Variants in ABR observed in about 807,000 individuals in gnomAD.
ABR encodes the protein ABR activator of RhoGEF and GTPase.
Under a neutral mutation model 107.2 loss-of-function variants are expected in ABR, and 35 were observed. The observed-to-expected ratio is 0.33, with a 90% CI of 0.25 to 0.43. The LOEUF (loss-of-function observed/expected upper bound fraction) is 0.43. Among genes scored for constraint, ABR ranks in the 20% least tolerant of loss-of-function variants. The pLI is 1.00. For synonymous variants in ABR, 498 were observed against 462.0 expected (o/e 1.08, Z -1.00); for missense variants, 815 against 1,115.2 (o/e 0.73, Z 3.83).
At chr17:1,035,933 C>T (rs533964272) in intron 16 of ABR, among the ~76,000 whole-genome samples, 12 of 151,578 alleles carry the variant, frequency 7.9e-5, no homozygotes, top group African/African-American at 2.7e-4. Flanking sequence ...GCGGCATCAA[C>T]GAGGAAAAAA....
intron 16 of ABR, 129 bp from the exon 17 acceptor site, chr17:1,013,293 T>C (rs1278207360): frequency 2.2e-6 from 2 of 929,316 alleles, no homozygotes; most frequent in Non-Finnish European, 1.7e-6. Context: ...TGGGATAAGC[T>C]GATGTTTACC....
At chr17:1,189,539 C>A (rs1390941736), upstream of ABR, among the ~76,000 whole-genome samples, 1 of 152,066 alleles carries the variant, frequency 6.6e-6, no homozygotes, top group Non-Finnish European at 1.5e-5. Flanking sequence ...TGTGGCCGGG[C>A]CTCTGCACCC....
chr17:1,079,284 CCAGA>C (rs757058620), intron 6 of ABR, 42 bp downstream of exon 6: 30 of 1,597,772 alleles, frequency 1.9e-5, no homozygotes, highest in East Asian at 4.5e-5. Context: ...GCCTGCACAG[CCAGA>C]CAAAGGTAGG....
intron 11 of ABR, 125 bp from the exon 12 acceptor site, chr17:1,058,170 G>T: frequency 4.2e-6 from 2 of 479,214 alleles, no homozygotes; most frequent in Non-Finnish European, 6.8e-6. Flanking sequence ...ACAGAGTCTC[G>T]CTCTTGTTGC....
At chr17:1,062,042 T>C (rs1167772818) in intron 10 of ABR, among the ~76,000 whole-genome samples, 2 of 152,204 alleles carry the variant, frequency 1.3e-5, no homozygotes, top group African/African-American at 2.4e-5. Context: ...AAGACTGTGG[T>C]GGGCGTGGGT....
intron 1 of ABR, among the ~76,000 whole-genome samples, chr17:1,211,399 C>T (rs1011861605): frequency 1.3e-5 from 2 of 152,306 alleles, no homozygotes; most frequent in South Asian, 4.1e-4. Context: ...CACCAAAAAT[C>T]GATCTTCTTC....
At chr17:1,073,048 C>G (rs568190682) in intron 7 of ABR, among the ~76,000 whole-genome samples, 1 of 151,760 alleles carries the variant, frequency 6.6e-6, no homozygotes, top group Non-Finnish European at 1.5e-5. Context: ...GGCGTGGTGG[C>G]GGGCGCCTGT....
At chr17:1,109,834 A>C (rs1204096243) in intron 2 of ABR, among the ~76,000 whole-genome samples, 3 of 151,404 alleles carry the variant, frequency 2.0e-5, no homozygotes, top group Non-Finnish European at 4.4e-5. Flanking sequence ...ACTCACAGGG[A>C]CCAGGATCCC....
chr17:1,206,794 CA>C (rs2042795578), intron 1 of ABR, among the ~76,000 whole-genome samples: 1 of 152,014 alleles, frequency 6.6e-6, no homozygotes. Flanking sequence ...CAAAAACATA[CA>C]AAAATTAGGC....
intron 1 of ABR, among the ~76,000 whole-genome samples, chr17:1,214,023 G>C (rs779632841): frequency 2.6e-5 from 4 of 152,010 alleles, no homozygotes; most frequent in Non-Finnish European, 4.4e-5. Flanking sequence ...GAGTAGCTGG[G>C]ATTACAGGCG....
upstream of ABR, among the ~76,000 whole-genome samples, chr17:1,188,080 T>TGGC (rs2150683135): frequency 6.6e-6 from 1 of 152,016 alleles, no homozygotes; most frequent in East Asian, 1.9e-4. Flanking sequence ...CCGGACATGG[T>TGGC]GGCGGGCATC....
At chr17:1,108,904 CCCA>C in intron 2 of ABR, 3 of 1,564,116 alleles carry the variant, frequency 1.9e-6, no homozygotes, top group Non-Finnish European at 2.6e-6. Flanking sequence ...CCCGGCCCCC[CCCA>C]GCGCCCAGGG....
rs577861857 is a variant in ABR at position 1,091,056 on chromosome 17, G to A, written c.531+609C>T. Among the ~76,000 whole-genome samples the A allele has an allele frequency of 5.3e-5, 8 of 152,264 alleles. No homozygotes were observed. In the East Asian group the frequency reaches 5.8e-4, roughly 11 times the overall value. ...TAACCCACCCACTCCTGCCGCTCCCGACCCTGCAGTGGTGAGCAGGGCTGG... is the reference window on the plus strand; with the variant it reads ...TAACCCACCCACTCCTGCCGCTCCCAACCCTGCAGTGGTGAGCAGGGCTGG... On this transcript the variant is annotated intron_variant, in intron 4 of 22. Coordinates refer to ENST00000302538, the MANE Select transcript of ABR (RefSeq NM_021962.5).
Position 1,037,459 on chromosome 17 carries a change from G to A in ABR, c.1791+12591C>T, listed in dbSNP as rs949521678. On this transcript the variant is annotated intron_variant, in intron 16 of 22. Coordinates refer to ENST00000302538, the MANE Select transcript of ABR (RefSeq NM_021962.5). The surrounding 1 kb of genome is among the most constrained non-coding windows in gnomAD (Gnocchi z 4.6). ...CAAGAGCTTGTCTGCTGCAGGAGAA[G>A]TGTCCCGACAGCCCGTCCCTGGCAA... 1.3e-5 allele frequency among the ~76,000 whole-genome samples: 2 copies of A among 152,212 alleles called. No individual in the cohort carries two copies. Among genetic ancestry groups the A allele is most frequent in the African/African-American group, 2.4e-5 (1 of 41,458 alleles).
intron 1 of ABR, among the ~76,000 whole-genome samples, chr17:1,225,764 G>C (rs976178999): frequency 6.6e-6 from 1 of 152,152 alleles, no homozygotes; most frequent in South Asian, 2.1e-4. Context: ...AAACGCTTTA[G>C]AAATATGACC....
chr17:1,156,766 T>G (rs1567837978), intron 1 of ABR, among the ~76,000 whole-genome samples: 1 of 152,354 alleles, frequency 6.6e-6, no homozygotes, highest in East Asian at 1.9e-4. Context: ...GTTCCACTAC[T>G]ATCCCCATTT....
intron 2 of ABR, chr17:1,109,088 G>A (rs770016394): frequency 3.8e-6 from 6 of 1,592,786 alleles, no homozygotes; most frequent in East Asian, 2.4e-5. Flanking sequence ...AGCCCGCGGA[G>A]GGCAGACAGG....
Position 1,226,608 on chromosome 17 carries a change from A to G in ABR, c.838+2185T>C, listed in dbSNP as rs145187523. On this transcript the variant is annotated intron_variant, in intron 1 of 22. Coordinates refer to the ABR transcript ENST00000574139. ...TATGTGGCACTGTGCACATGTACATATGCAGGTGTGTGTGCATGTATGTAC... is the reference window on the plus strand; with the variant it reads ...TATGTGGCACTGTGCACATGTACATGTGCAGGTGTGTGTGCATGTATGTAC... Among the ~76,000 whole-genome samples, 151 of 150,032 alleles carry G rather than the reference A, an allele frequency of 1.0e-3. 1 individual carries two copies. Among genetic ancestry groups the G allele is most frequent in the African/African-American group, 3.5e-3 (142 of 40,604 alleles).
chr17:1,095,751 C>T (rs879327387), intron 3 of ABR, among the ~76,000 whole-genome samples: 3 of 152,204 alleles, frequency 2.0e-5, no homozygotes, highest in Non-Finnish European at 2.9e-5. Flanking sequence ...TTCACATAGC[C>T]GTTTGTCAGC....
Sources: allele counts gnomAD v4.1 joint callset (sites outside exome capture counted in the v4.1 genomes callset), GRCh38; gene constraint gnomAD v4.1.1; non-coding constraint Gnocchi (gnomAD v3.1); transcripts MANE v1.5; gene names NCBI Gene and HGNC (gene_info 2026-07-23, HGNC 2026-07-21).